The following ZC3HAV1 variants were observed in gnomAD, a reference collection of about 807,000 sequenced individuals.
ZC3HAV1 encodes zinc finger CCCH-type containing, antiviral 1, also known as zinc finger CCCH-type antiviral protein 1.
A neutral mutation model predicts 86.6 loss-of-function variants in ZC3HAV1; 41 were observed. The observed-to-expected ratio is 0.47, with a 90% CI of 0.37 to 0.61. The LOEUF (loss-of-function observed/expected upper bound fraction) is 0.61. ZC3HAV1 is among the 20% of genes least tolerant of loss of function. The probability of loss-of-function intolerance (pLI) is 0.00; values close to 1 mark genes in which losing one functional copy is unlikely to be tolerated. For synonymous variants in ZC3HAV1, 421 were observed against 432.1 expected (o/e 0.97, Z 0.32); for missense variants, 964 against 1,141.1 (o/e 0.84, Z 2.24).
At chr7:139,078,293 T>G (rs988273456) in intron 5 of ZC3HAV1, among the ~76,000 whole-genome samples, 4 of 151,804 alleles carry the variant, frequency 2.6e-5, no homozygotes, top group Non-Finnish European at 5.9e-5. Flanking sequence ...CAAGTGTTGG[T>G]GAGGATGTGG....
At chr7:139,087,449 G>A (rs1475175189) in intron 2 of ZC3HAV1, among the ~76,000 whole-genome samples, 1 of 132,000 alleles carries the variant, frequency 7.6e-6, no homozygotes, top group Admixed American at 7.7e-5. Context: ...GACAGAGACA[G>A]AGAGAGAGAG....
chr7:139,097,417 TATATATA>T (rs1563140605), intron 1 of ZC3HAV1, among the ~76,000 whole-genome samples: 2 of 81,342 alleles, frequency 2.5e-5, no homozygotes, highest in African/African-American at 6.2e-5. Context: ...TATATATATA[TATATATA>T]TATATTTTTT....
chr7:139,086,836 A>T (rs1817284808), intron 2 of ZC3HAV1, among the ~76,000 whole-genome samples: 1 of 152,196 alleles, frequency 6.6e-6, no homozygotes, highest in Admixed American at 6.5e-5. Flanking sequence ...GCTTGCCACC[A>T]TGTAAGATGT....
chr7:139,079,534 G>A lies in ZC3HAV1; in HGVS notation c.1407C>T (p.Ser469=), dbSNP rs200855750. The change falls in exon 4 of 13, where the codon TCC becomes TCT. Residue 469 remains serine, a synonymous_variant. Transcript: ENST00000242351. ...TTCTGCCAGTGGCCTGGACATCTCG[G>A]GAAGCAGGTCCAGCATCCTGAATCC... ...SPRIQDAGPA[S]RDVQATGRIA... The A allele has an allele frequency of 4.6e-5, 74 of 1,614,156 alleles. No homozygotes were observed. The highest frequency in any genetic ancestry group is 4.9e-5 in the Non-Finnish European group (58 of 1,180,032).
chr7:139,078,511 C>T (rs1031009652), intron 5 of ZC3HAV1, 41 bp downstream of exon 5: 12 of 1,490,578 alleles, frequency 8.1e-6, no homozygotes, highest in Non-Finnish European at 1.1e-5. Context: ...TTACAATGGC[C>T]AAAAGGTGGA....
At chr7:139,056,404 T>C (rs1210947256) in intron 9 of ZC3HAV1, among the ~76,000 whole-genome samples, 1 of 82,792 alleles carries the variant, frequency 1.2e-5, no homozygotes, top group African/African-American at 5.4e-5. Flanking sequence ...TTTTTCTTTT[T>C]CTTTTCTTTT....
intron 7 of ZC3HAV1, among the ~76,000 whole-genome samples, chr7:139,072,887 C>T (rs1816821264): frequency 6.6e-6 from 1 of 152,186 alleles, no homozygotes. Flanking sequence ...AAGCAGTAGT[C>T]TCTGTACATT....
rs574492936 is a variant in ZC3HAV1, at chr7:139,081,478, C to A, written c.698-1235G>T. 3.3e-5 allele frequency among the ~76,000 whole-genome samples: 5 copies of A among 152,260 alleles called. 1 individual carries two copies. Among genetic ancestry groups the A allele is most frequent in the African/African-American group, 1.2e-4 (5 of 41,554 alleles). On this transcript the variant is annotated intron_variant, in intron 3 of 12. Coordinates refer to ENST00000242351, the MANE Select transcript of ZC3HAV1 (RefSeq NM_020119.4). ...TAAGTTTACATTGAGAAGCTACCAC[C>A]AAAACCCATCCCTCCAGACATTCCT...
In ZC3HAV1 at chr7:139,108,675, C is replaced by T. The variant is rs1818009023; in HGVS notation, c.308+349G>A. The stretch of plus-strand genomic sequence containing the variant: ...GAGGCTCTTTCCTTCCTTCCCAAAC[C>T]TGCCTACCGCTTCTCTAGGCCCTGG... On this transcript the variant is annotated intron_variant, in intron 1 of 12. Transcript: ENST00000242351. This position sits in a 1 kb window ranked among gnomAD's most constrained non-coding sequence, Gnocchi z 4.2. 6.6e-6 allele frequency among the ~76,000 whole-genome samples: 1 copy of T among 152,176 alleles called. No individual in the cohort carries two copies.
At position 139,109,563 on chromosome 7, in the gene ZC3HAV1, C is replaced by T; in HGVS notation, c.-232G>A. The T allele has an allele frequency of 2.0e-6, 1 of 502,474 alleles. No homozygotes were observed. The highest frequency in any genetic ancestry group is 4.0e-5 in the Admixed American group (1 of 24,758). 31.1% of individuals were successfully genotyped at this position (502,474 alleles called of 1,614,324 possible). ...CCGGGTCCTAGTGGCAGGTTTACAGCCGGCCGCAAGGGCAACTGGGTGGAA... is the reference window on the plus strand; with the variant it reads ...CCGGGTCCTAGTGGCAGGTTTACAGTCGGCCGCAAGGGCAACTGGGTGGAA... On this transcript the variant is annotated 5_prime_UTR_variant, in exon 1 of 13. Coordinates refer to ENST00000242351, the MANE Select transcript of ZC3HAV1 (RefSeq NM_020119.4).
chr7:139,097,787 T>C (rs977895301), intron 1 of ZC3HAV1, among the ~76,000 whole-genome samples: 3 of 151,804 alleles, frequency 2.0e-5, no homozygotes, highest in African/African-American at 7.3e-5. Flanking sequence ...AGAAAAGTAT[T>C]GCCTGGGCTG....
intron 1 of ZC3HAV1, among the ~76,000 whole-genome samples, chr7:139,101,264 C>T (rs1395075788): frequency 6.6e-6 from 1 of 150,530 alleles, no homozygotes; most frequent in Non-Finnish European, 1.5e-5. Flanking sequence ...CCTGCCGCCA[C>T]CCCGTCTGGG....
At chr7:139,100,759 TCC>T (rs1817727875) in intron 1 of ZC3HAV1, among the ~76,000 whole-genome samples, 1 of 135,052 alleles carries the variant, frequency 7.4e-6, no homozygotes, top group Admixed American at 7.2e-5. Context: ...AATTCCACTC[TCC>T]CTCTCTTTCC....
intron 7 of ZC3HAV1, among the ~76,000 whole-genome samples, chr7:139,072,005 A>G (rs1193597488): frequency 3.3e-5 from 5 of 152,146 alleles, no homozygotes; most frequent in African/African-American, 9.7e-5. Context: ...TGCCTCTCCC[A>G]AGTATTTTGT....
chr7:139,104,286 A>C (rs571542217), intron 1 of ZC3HAV1, among the ~76,000 whole-genome samples: 1 of 152,004 alleles, frequency 6.6e-6, no homozygotes, highest in Admixed American at 6.6e-5. Context: ...GGAAACACCC[A>C]CATCGGCAAA....
In ZC3HAV1 at chr7:139,078,584, A is replaced by G; in HGVS notation, c.1541T>C (p.Leu514Pro). Residue 514 changes from leucine (L) to proline (P), a missense_variant, in exon 5 of 13, where the codon CTT becomes CCT. Physicochemically the swap from Leu to Pro is moderately conservative, Grantham distance 98. Transcript: ENST00000242351. ...VDDHDSEEIC[L>P]DHLCKGCPLN... Reference sequence around the variant, plus strand: ...CGGACAACCCTTACACAGATGGTCAAGACAAATTTCCTCTGAGTCATGATC... The same window carrying G: ...CGGACAACCCTTACACAGATGGTCAGGACAAATTTCCTCTGAGTCATGATC... The G allele has an allele frequency of 6.3e-7, 1 of 1,592,546 alleles. No homozygotes were observed. Among genetic ancestry groups the G allele is most frequent in the Non-Finnish European group, 8.5e-7 (1 of 1,174,462 alleles).
rs1378433651 is a variant in ZC3HAV1, at chr7:139,101,222, G to A, written c.308+7802C>T. Among the ~76,000 whole-genome samples, 8 of 151,690 alleles carry A rather than the reference G, an allele frequency of 5.3e-5. No individual in the cohort carries two copies. The East Asian group carries it at 1.6e-3, about 30-fold the overall frequency. ...CTCCACCTCCCAGCCGCCTGCCTTG[G>A]CCTCCCAAAGTGCCGAGATCGCAGC... On this transcript the variant is annotated intron_variant, in intron 1 of 12. Coordinates refer to ENST00000242351, the MANE Select transcript of ZC3HAV1 (RefSeq NM_020119.4).
Position 139,108,968 on chromosome 7 carries a change from GA to G in ZC3HAV1, c.308+55del, listed in dbSNP as rs1217517006. The G allele has an allele frequency of 1.8e-5, 27 of 1,491,732 alleles. No homozygotes were observed. The highest frequency in any genetic ancestry group is 2.1e-5 in the Non-Finnish European group (23 of 1,110,848). 92.4% of individuals were successfully genotyped at this position (1,491,732 alleles called of 1,614,324 possible). On this transcript the variant is annotated intron_variant, in intron 1 of 12. Transcript: ENST00000242351. The surrounding 1 kb of genome is among the most constrained non-coding windows in gnomAD (Gnocchi z 4.2). ...CCCCTCCCAGAACATTGCCCGCCTGGACAGTCCACCCCGACCACGGCTGCGG... is the reference window on the plus strand; with the variant it reads ...CCCCTCCCAGAACATTGCCCGCCTGGCAGTCCACCCCGACCACGGCTGCGG...
intron 6 of ZC3HAV1, among the ~76,000 whole-genome samples, chr7:139,075,758 TA>T (rs1303459245): frequency 6.6e-6 from 1 of 152,180 alleles, no homozygotes; most frequent in East Asian, 1.9e-4. Context: ...AAATGTAAGG[TA>T]CCCTCTTAGA....
Sources: gnomAD v4.1 joint callset for allele counts (sites outside exome capture counted in the v4.1 genomes callset) on GRCh38, gnomAD v4.1.1 for gene constraint, Gnocchi (gnomAD v3.1) non-coding constraint, MANE v1.5 for transcripts, NCBI Gene and HGNC (gene_info 2026-07-23, HGNC 2026-07-21) for gene names.